SCOC: variants seen among roughly 807,000 people sequenced by gnomAD.
The protein encoded by SCOC is short coiled-coil protein, also known as short coiled coil protein.
A neutral mutation model predicts 9.9 loss-of-function variants in SCOC; 7 were observed. The observed-to-expected ratio is 0.71, with a 90% confidence interval of 0.40 to 1.33. SCOC has a LOEUF of 1.33. Ranked by LOEUF, SCOC falls within the 40% of genes most tolerant of loss-of-function variation. SCOC has a pLI of 0.01. For synonymous variants in SCOC, 19 were observed against 28.2 expected (o/e 0.67, Z 1.03); for missense variants, 66 against 89.7 (o/e 0.74, Z 1.07).
At chr4:140,291,030 G>A (rs1731455073) in intron 1 of SCOC, among the ~76,000 whole-genome samples, 1 of 152,156 alleles carries the variant, frequency 6.6e-6, no homozygotes, top group South Asian at 2.1e-4. Flanking sequence ...TTCTCACTGG[G>A]AACTTGCCAT....
upstream of SCOC, among the ~76,000 whole-genome samples, chr4:140,372,213 G>A (rs780820439): frequency 1.3e-5 from 2 of 152,174 alleles, no homozygotes; most frequent in Non-Finnish European, 2.9e-5. Context: ...AATGTGGAAT[G>A]TATCTTATAC....
chr4:140,370,041 T>C (rs7657510), upstream of SCOC, among the ~76,000 whole-genome samples: 146,003 of 152,088 alleles, frequency 0.96, 70,106 homozygotes, highest in East Asian at 0.99. Context: ...AGCTGAGTCA[T>C]GCAAGAGCTG....
intron 1 of SCOC, among the ~76,000 whole-genome samples, chr4:140,267,771 AGTCT>A (rs1730761328): frequency 6.6e-6 from 1 of 151,976 alleles, no homozygotes; most frequent in South Asian, 2.1e-4. Flanking sequence ...CTGTCTTTGC[AGTCT>A]GGATTCCTCA....
upstream of SCOC, among the ~76,000 whole-genome samples, chr4:140,339,679 A>G (rs1406661001): frequency 1.3e-5 from 2 of 152,244 alleles, no homozygotes. Flanking sequence ...ACATTTATGC[A>G]GCCAAAAGAC....
chr4:140,308,666 T>C (rs986049253), intron 1 of SCOC, among the ~76,000 whole-genome samples: 3 of 152,180 alleles, frequency 2.0e-5, no homozygotes, highest in Non-Finnish European at 4.4e-5. Context: ...TGCACTCACA[T>C]TCACTGAGAG....
intron 1 of SCOC, among the ~76,000 whole-genome samples, chr4:140,301,987 C>T (rs1731825982): frequency 6.6e-6 from 1 of 152,046 alleles, no homozygotes. Flanking sequence ...GCGCATGCCA[C>T]CACACTGGAC....
chr4:140,260,776 C>T (rs1160200453), intron 1 of SCOC, among the ~76,000 whole-genome samples: 1 of 152,130 alleles, frequency 6.6e-6, no homozygotes, highest in Non-Finnish European at 1.5e-5. Context: ...TGTAATATAT[C>T]CCAGGTGATT....
At chr4:140,316,368 TACC>T (rs796417237) in intron 1 of SCOC, among the ~76,000 whole-genome samples, 1 of 136,338 alleles carries the variant, frequency 7.3e-6, no homozygotes, top group African/African-American at 3.1e-5. Flanking sequence ...TTCACAAACA[TACC>T]CATTCTTTAG....
intron 1 of SCOC, among the ~76,000 whole-genome samples, chr4:140,328,035 A>C (rs1732701536): frequency 6.6e-6 from 1 of 152,214 alleles, no homozygotes; most frequent in Admixed American, 6.5e-5. Flanking sequence ...CCAGCCACGT[A>C]GTCCTTGGGG....
At chr4:140,336,203 A>G (rs2126501172) in intron 1 of SCOC, among the ~76,000 whole-genome samples, 1 of 152,256 alleles carries the variant, frequency 6.6e-6, no homozygotes, top group East Asian at 1.9e-4. Context: ...GTATTTTTTA[A>G]TCTTATTTTA....
chr4:140,280,932 G>A (rs1421774697), intron 1 of SCOC, among the ~76,000 whole-genome samples: 4 of 152,172 alleles, frequency 2.6e-5, no homozygotes, highest in African/African-American at 7.2e-5. Flanking sequence ...GGCAAAAGAC[G>A]GAGGCAGATG....
intron 1 of SCOC, among the ~76,000 whole-genome samples, chr4:140,258,444 G>C (rs1365646799): frequency 6.6e-6 from 1 of 152,004 alleles, no homozygotes; most frequent in Admixed American, 6.6e-5. Context: ...TTTGATTAAG[G>C]GTTACCCTAA....
intron 2 of SCOC, among the ~76,000 whole-genome samples, chr4:140,350,912 A>C (rs1427952191): frequency 6.6e-6 from 1 of 152,116 alleles, no homozygotes; most frequent in South Asian, 2.1e-4. Context: ...GATCTGGGCC[A>C]GGAACAGTGG....
At chr4:140,266,061 AT>A (rs922052437) in intron 1 of SCOC, among the ~76,000 whole-genome samples, 5 of 152,176 alleles carry the variant, frequency 3.3e-5, no homozygotes, top group African/African-American at 1.2e-4. Context: ...GCCTGGTACA[AT>A]TAATTCTGAG....
intron 2 of SCOC, among the ~76,000 whole-genome samples, chr4:140,365,653 C>T (rs1223414051): frequency 1.3e-5 from 2 of 152,192 alleles, no homozygotes; most frequent in Non-Finnish European, 1.5e-5. Flanking sequence ...GACAGGAAGA[C>T]CAACCCCTTC....
intron 1 of SCOC, chr4:140,283,722 C>T (rs572885986): frequency 8.5e-5 from 13 of 152,208 alleles, no homozygotes; most frequent in South Asian, 4.1e-4. Context: ...AAGACTCTCT[C>T]ATTGATTTAT....
In SCOC at chr4:140,384,284, T is replaced by G. The variant is rs1728645545; in HGVS notation, c.*3180T>G. 6.6e-6 allele frequency: 1 copy of G among 152,206 alleles called. No individual in the cohort carries two copies. The highest frequency in any genetic ancestry group is 2.1e-4 in the South Asian group (1 of 4,830). 9.4% of individuals were successfully genotyped at this position (152,206 alleles called of 1,614,324 possible). On this transcript the variant is annotated 3_prime_UTR_variant, in exon 4 of 4. Transcript: ENST00000608372. ...GGTAAGCTAATGCTATATACTTAGT[T>G]TTTGCTATGCAATACTTCAGGATAA...
At chr4:140,289,870 C>G (rs116033974) in intron 1 of SCOC, among the ~76,000 whole-genome samples, 137 of 152,338 alleles carry the variant, frequency 9.0e-4, no homozygotes, top group African/African-American at 3.1e-3. Context: ...ATCATTTTGT[C>G]TACTTGGTTG....
At chr4:140,364,517 G>A (rs1463315528) in intron 2 of SCOC, among the ~76,000 whole-genome samples, 2 of 152,116 alleles carry the variant, frequency 1.3e-5, no homozygotes, top group Admixed American at 6.5e-5. Context: ...GAAGAGAAGT[G>A]AGCACCAGGA....
Sources: gnomAD v4.1 joint callset for allele counts (sites outside exome capture counted in the v4.1 genomes callset) on GRCh38, gnomAD v4.1.1 for gene constraint, MANE v1.5 for transcripts, NCBI Gene and HGNC (gene_info 2026-07-23, HGNC 2026-07-21) for gene names.